FBXL13: variants seen among roughly 807,000 people sequenced by gnomAD.
FBXL13 encodes the protein F-box and leucine-rich repeat protein 13.
A neutral mutation model predicts 83.6 loss-of-function variants in FBXL13; 67 were observed. The ratio of observed to expected loss-of-function variants is 0.80; its 90% confidence interval spans 0.66 to 0.98. The LOEUF (loss-of-function observed/expected upper bound fraction) is 0.98, where lower values mean the gene tolerates loss of function less well. Ranked by LOEUF, FBXL13 falls within the 50% of genes least tolerant of loss-of-function variation. FBXL13 has a pLI of 0.00. For missense variants in FBXL13, 822 were observed against 866.5 expected, an observed-to-expected ratio of 0.95 and a Z score of 0.64; for synonymous variants, 272 against 299.5, an observed-to-expected ratio of 0.91 and a Z score of 0.95.
At chr7:102,834,578 T>C (rs1305895676) in intron 17 of FBXL13, 1 of 151,622 alleles carries the variant, frequency 6.6e-6, no homozygotes, top group Non-Finnish European at 1.5e-5. Context: ...GCTTGGCACA[T>C]AGTAAGCACC....
chr7:102,913,199 G>A lies in FBXL13; in HGVS notation c.895C>T (p.Gln299Ter). Residue 299 changes from glutamine to a stop codon, truncating the protein, a stop_gained, in exon 11 of 20, where the codon CAG becomes TAG. Coordinates refer to ENST00000313221, the Ensembl canonical transcript of FBXL13. LOFTEE classifies it high-confidence loss of function. ...CTGCAATAAGCCAAACTAAGATTCT[G>A]TAAGTTGTGGAAGTGCCTGAAAAGA... 14 of 1,614,154 alleles carry A rather than the reference G, an allele frequency of 8.7e-6. No individual in the cohort carries two copies. Among genetic ancestry groups the A allele is most frequent in the Non-Finnish European group, 1.2e-5 (14 of 1,180,008 alleles).
At chr7:102,990,860 C>T (rs1328513950) in intron 6 of FBXL13, among the ~76,000 whole-genome samples, 1 of 152,142 alleles carries the variant, frequency 6.6e-6, no homozygotes. Context: ...GCCAAGGGCT[C>T]GTCTGGAGCA....
At chr7:102,879,439 A>ATGTGTGTGTGTGTGTGTGTG (rs139051886) in intron 14 of FBXL13, among the ~76,000 whole-genome samples, 71 of 144,804 alleles carry the variant, frequency 4.9e-4, no homozygotes, top group African/African-American at 1.8e-3. Flanking sequence ...GCAGTTAAGG[A>ATGTGTGTGTGTGTGTGTGTG]TGTGTGTGTG....
At chr7:103,034,046 G>A (rs1443694750) in intron 2 of FBXL13, among the ~76,000 whole-genome samples, 1 of 152,190 alleles carries the variant, frequency 6.6e-6, no homozygotes, top group East Asian at 1.9e-4. Flanking sequence ...CCCTGAGCTA[G>A]ACACAGGGTG....
At chr7:103,028,663 G>T in exon 4 of FBXL13, 1 of 1,603,062 alleles carries the variant, frequency 6.2e-7, no homozygotes, top group Non-Finnish European at 8.5e-7. Flanking sequence ...GATTTTTGAA[G>T]TCTGAAATTG....
At chr7:103,055,134 A>G in intron 2 of FBXL13, 1 of 1,289,402 alleles carries the variant, frequency 7.8e-7, no homozygotes, top group Non-Finnish European at 1.0e-6. Context: ...AGTTTCAGAC[A>G]ATCTTCGAAT....
intron 6 of FBXL13, among the ~76,000 whole-genome samples, chr7:103,006,784 G>C (rs985540991): frequency 1.3e-5 from 2 of 151,906 alleles, no homozygotes; most frequent in African/African-American, 4.8e-5. Context: ...AACACACAGA[G>C]AAATTGCAAG....
At chr7:102,828,494 T>A (rs976163814) in intron 18 of FBXL13, among the ~76,000 whole-genome samples, 1 of 152,222 alleles carries the variant, frequency 6.6e-6, no homozygotes, top group East Asian at 1.9e-4. Flanking sequence ...AGGATTGTCA[T>A]GGGGAATCCC....
intron 16 of FBXL13, among the ~76,000 whole-genome samples, chr7:102,856,587 T>C (rs1180577760): frequency 6.6e-6 from 1 of 152,162 alleles, no homozygotes; most frequent in Non-Finnish European, 1.5e-5. Flanking sequence ...AATTAAAATA[T>C]TAAAACAGAA....
intron 2 of FBXL13, among the ~76,000 whole-genome samples, chr7:103,048,559 A>G (rs1796509095): frequency 6.6e-6 from 1 of 152,190 alleles, no homozygotes; most frequent in African/African-American, 2.4e-5. Flanking sequence ...AAAACCTCAC[A>G]GACAAATCTA....
chr7:102,853,764 G>GA (rs1278209791), intron 17 of FBXL13, among the ~76,000 whole-genome samples: 1 of 152,144 alleles, frequency 6.6e-6, no homozygotes, highest in African/African-American at 2.4e-5. Context: ...AAAAACACAT[G>GA]AAAAAATGCT....
intron 6 of FBXL13, among the ~76,000 whole-genome samples, chr7:103,009,724 C>T (rs1246687063): frequency 6.6e-6 from 1 of 152,192 alleles, no homozygotes; most frequent in East Asian, 1.9e-4. Flanking sequence ...CAGGGCTAGG[C>T]ACCAGTTTCC....
intron 6 of FBXL13, among the ~76,000 whole-genome samples, chr7:103,024,440 T>A (rs7800789): frequency 6.8e-6 from 1 of 146,472 alleles, no homozygotes; most frequent in African/African-American, 2.5e-5. Context: ...GGCTGGAGAA[T>A]CGCTTGAACC....
chr7:102,831,441 A>G (rs987079211), intron 18 of FBXL13, among the ~76,000 whole-genome samples: 1 of 148,194 alleles, frequency 6.7e-6, no homozygotes, highest in Non-Finnish European at 1.5e-5. Flanking sequence ...ACCCCACTAC[A>G]GAGAGTTATC....
intron 8 of FBXL13, among the ~76,000 whole-genome samples, chr7:102,962,499 C>G (rs545736569): frequency 2.0e-5 from 3 of 152,196 alleles, no homozygotes; most frequent in Admixed American, 2.0e-4. Context: ...ACCCAAAGGA[C>G]TAGAAATCAT....
At chr7:102,947,876 T>A (rs10260888) in intron 8 of FBXL13, among the ~76,000 whole-genome samples, 1,792 of 152,256 alleles carry the variant, frequency 0.012, 36 homozygotes, top group African/African-American at 0.041. Context: ...TCCTGAGTCC[T>A]GAGTTGGCTG....
At chr7:103,017,261 G>A (rs1030481887) in intron 6 of FBXL13, among the ~76,000 whole-genome samples, 5 of 151,356 alleles carry the variant, frequency 3.3e-5, no homozygotes, top group African/African-American at 1.2e-4. Context: ...TGCAGCTGAG[G>A]GTCCTGACTG....
intron 1 of FBXL13, among the ~76,000 whole-genome samples, chr7:103,066,316 T>G (rs1272169646): frequency 6.6e-6 from 1 of 152,210 alleles, no homozygotes; most frequent in Non-Finnish European, 1.5e-5. Context: ...CAATAAAATT[T>G]TACAAATTCC....
At chr7:102,937,144 C>A (rs1437963453) in intron 8 of FBXL13, among the ~76,000 whole-genome samples, 7 of 152,080 alleles carry the variant, frequency 4.6e-5, no homozygotes, top group African/African-American at 1.7e-4. Flanking sequence ...CATCAAAGAA[C>A]AACTTAAGTT....
Sources: allele counts gnomAD v4.1 joint callset (sites outside exome capture counted in the v4.1 genomes callset), GRCh38; gene constraint gnomAD v4.1.1; transcripts MANE v1.5; gene names NCBI Gene and HGNC (gene_info 2026-07-23, HGNC 2026-07-21).